LDLRAD3: variants seen among roughly 807,000 people sequenced by gnomAD.
LDLRAD3 encodes low density lipoprotein receptor class A domain containing 3, also known as low-density lipoprotein receptor class A domain-containing protein 3.
Under a neutral mutation model 29.4 loss-of-function variants are expected in LDLRAD3, and 20 were observed. That is an observed-to-expected ratio of 0.68 (90% CI 0.48 to 0.99). LDLRAD3 has a LOEUF of 0.99. LDLRAD3 is among the 50% of genes least tolerant of loss of function. LDLRAD3 has a pLI of 0.00. For missense variants in LDLRAD3, 420 were observed against 454.3 expected (o/e 0.92, Z 0.69); for synonymous variants, 157 against 192.7 (o/e 0.81, Z 1.53).
intron 2 of LDLRAD3, among the ~76,000 whole-genome samples, chr11:36,042,985 G>A (rs1347172047): frequency 6.6e-6 from 1 of 150,800 alleles, no homozygotes; most frequent in African/African-American, 2.4e-5. Flanking sequence ...AAACTAATAC[G>A]ACCATCAAAC....
chr11:36,015,306 T>TCCCCCCCCCCCCCCC (rs11347924), intron 1 of LDLRAD3, among the ~76,000 whole-genome samples: 17 of 87,712 alleles, frequency 1.9e-4, no homozygotes, highest in East Asian at 3.3e-4. Context: ...GACATGCCAT[T>TCCCCCCCCCCCCCCC]CCCCCCCCCC....
At chr11:36,057,571 C>T (rs1056281549) in intron 2 of LDLRAD3, among the ~76,000 whole-genome samples, 8 of 152,280 alleles carry the variant, frequency 5.3e-5, no homozygotes, top group Non-Finnish European at 8.8e-5. Flanking sequence ...TGTTGAAATA[C>T]GCTATTACTT....
At chr11:35,976,844 GTT>G (rs1851482971) in intron 1 of LDLRAD3, among the ~76,000 whole-genome samples, 1 of 152,152 alleles carries the variant, frequency 6.6e-6, no homozygotes, top group South Asian at 2.1e-4. Flanking sequence ...TAAGGTGTGT[GTT>G]TGTGTGTGTG....
intron 1 of LDLRAD3, among the ~76,000 whole-genome samples, chr11:35,991,305 G>A (rs1851685447): frequency 6.6e-6 from 1 of 152,082 alleles, no homozygotes; most frequent in Non-Finnish European, 1.5e-5. Flanking sequence ...CACACAAATG[G>A]TTACCCAAAA....
In LDLRAD3 at chr11:36,231,712, A is replaced by G. The variant is rs1380937813; in HGVS notation, c.*2315A>G. The G allele has an allele frequency of 6.6e-6, 1 of 152,314 alleles. No homozygotes were observed. The highest frequency in any genetic ancestry group is 1.9e-4 in the East Asian group (1 of 5,184). The allele number at this position is 152,314 out of a possible 1,614,324, so 9.4% of individuals were successfully genotyped here. ...TTTTTTAATGAATGTTTTTAAAAAT[A>G]TATAAATAGGACACCAAAGCGGCAG... On this transcript the variant is annotated 3_prime_UTR_variant, in exon 6 of 6. Transcript: ENST00000315571.
In LDLRAD3 at chr11:36,080,751, G is replaced by T. The variant is rs189532849; in HGVS notation, c.194-902G>T. Among the ~76,000 whole-genome samples, 13 of 152,228 alleles carry T rather than the reference G, an allele frequency of 8.5e-5. No homozygotes were observed. In the East Asian group the frequency reaches 2.5e-3, roughly 29 times the overall value. ...AGCAAAATCAACACAGGTAAAAGAC[G>T]AATGGAATAAAGTCCAGAGGAAACC... On this transcript the variant is annotated intron_variant, in intron 2 of 5. Coordinates refer to ENST00000315571, the MANE Select transcript of LDLRAD3 (RefSeq NM_174902.4).
chr11:36,127,687 A>G (rs1191043666), intron 4 of LDLRAD3, among the ~76,000 whole-genome samples: 1 of 152,154 alleles, frequency 6.6e-6, no homozygotes, highest in African/African-American at 2.4e-5. Context: ...CTGAGCCACC[A>G]TGCTAAGTTT....
At chr11:36,145,565 G>A (rs1186387583) in intron 4 of LDLRAD3, among the ~76,000 whole-genome samples, 2 of 102,484 alleles carry the variant, frequency 2.0e-5, no homozygotes, top group Non-Finnish European at 4.8e-5. Flanking sequence ...GAATAGAAAG[G>A]GGGGAAAAGT....
At chr11:36,165,158 CT>C (rs201968240) in intron 4 of LDLRAD3, among the ~76,000 whole-genome samples, 3 of 152,226 alleles carry the variant, frequency 2.0e-5, no homozygotes, top group African/African-American at 4.8e-5. Context: ...TTACATCCTA[CT>C]TTTTTTCCCA....
intron 1 of LDLRAD3, among the ~76,000 whole-genome samples, chr11:36,018,279 G>A (rs1852049081): frequency 6.6e-6 from 1 of 152,116 alleles, no homozygotes; most frequent in African/African-American, 2.4e-5. Flanking sequence ...TCTTGCTTCA[G>A]TTTTAGCAGA....
intron 4 of LDLRAD3, among the ~76,000 whole-genome samples, chr11:36,151,047 G>A (rs1854271414): frequency 6.6e-6 from 1 of 152,132 alleles, no homozygotes; most frequent in Non-Finnish European, 1.5e-5. Flanking sequence ...TGCACCCATA[G>A]GCACCTCTGA....
In LDLRAD3 at chr11:36,036,124, A is replaced by G. The variant is rs200093885; in HGVS notation, c.68A>G (p.Asn23Ser). The G allele has an allele frequency of 2.4e-5, 38 of 1,613,952 alleles. No individual in the cohort carries two copies. Among genetic ancestry groups the G allele is most frequent in the Non-Finnish European group, 2.0e-5 (24 of 1,179,896 alleles). The change falls in exon 2 of 6, where the codon AAC becomes AGC. Residue 23 changes from asparagine to serine, a missense_variant. Around this residue, in one of 3 missense-constraint regions of LDLRAD3, gnomAD observed 224 missense variants for 222.2 expected, o/e 1.01. Coordinates refer to ENST00000315571, the MANE Select transcript of LDLRAD3 (RefSeq NM_174902.4). The stretch of plus-strand genomic sequence containing the variant: ...ACAGAGAGCCAGCTGCTCCCCGGGA[A>G]CAACTTCACCAATGAGTGCAACATA... ...SAAESQLLPG[N>S]NFTNECNIPG...
intron 4 of LDLRAD3, among the ~76,000 whole-genome samples, chr11:36,163,072 T>C (rs1202502353): frequency 1.3e-5 from 2 of 152,148 alleles, no homozygotes; most frequent in African/African-American, 4.8e-5. Flanking sequence ...CAGGGTAAAC[T>C]CTAGGGGCTA....
At chr11:35,951,572 T>A (rs1851136148) in intron 1 of LDLRAD3, among the ~76,000 whole-genome samples, 1 of 152,234 alleles carries the variant, frequency 6.6e-6, no homozygotes, top group African/African-American at 2.4e-5. Context: ...TTTCCTCTTT[T>A]AATTCTCTTA....
Position 36,184,964 on chromosome 11 carries a change from C to G in LDLRAD3, c.455-42121C>G, listed in dbSNP as rs191752573. 1.3e-3 allele frequency among the ~76,000 whole-genome samples: 199 copies of G among 152,236 alleles called. 4 individuals are homozygous for G. Among genetic ancestry groups the G allele is most frequent in the Non-Finnish European group, 3.8e-4 (26 of 68,008 alleles). ...CCATTGCCCTTGGAAGAAAATTTGC[C>G]TCAATTTTCCAGATGCTTACCTTTT... On this transcript the variant is annotated intron_variant, in intron 4 of 5. Transcript: ENST00000315571.
At chr11:36,145,767 T>C (rs568217414) in intron 4 of LDLRAD3, among the ~76,000 whole-genome samples, 5 of 150,648 alleles carry the variant, frequency 3.3e-5, no homozygotes, top group African/African-American at 1.2e-4. Flanking sequence ...GGATTAAGGG[T>C]GGTGCAAGAT....
At position 36,231,967 on chromosome 11, in the gene LDLRAD3, T is replaced by TA. The variant is rs1466471505; in HGVS notation, c.*2571dup. Reference sequence around the variant, plus strand: ...GCCTATTACCTGACTCAGCTCCCTCTACCTTGAAATTGACATTTTTAAAAA... The same window carrying TA: ...GCCTATTACCTGACTCAGCTCCCTCTAACCTTGAAATTGACATTTTTAAAAA... On this transcript the variant is annotated 3_prime_UTR_variant, in exon 6 of 6. Coordinates refer to ENST00000315571, the MANE Select transcript of LDLRAD3 (RefSeq NM_174902.4). 1 of 152,236 alleles carries TA rather than the reference T, an allele frequency of 6.6e-6. No homozygotes were observed. Among genetic ancestry groups the TA allele is most frequent in the Non-Finnish European group, 1.5e-5 (1 of 68,042 alleles). The allele number at this position is 152,236 out of a possible 1,614,324, so 9.4% of individuals were successfully genotyped here. A position where few individuals can be genotyped will look rare whatever the true frequency, so the allele number is the denominator to read the frequency against.
chr11:35,948,471 C>T (rs1255745313), intron 1 of LDLRAD3, among the ~76,000 whole-genome samples: 1 of 144,720 alleles, frequency 6.9e-6, no homozygotes, highest in Non-Finnish European at 1.5e-5. Flanking sequence ...TGTGTGTGTG[C>T]ACATGCACAC....
intron 3 of LDLRAD3, among the ~76,000 whole-genome samples, chr11:36,084,339 C>T (rs936259200): frequency 3.9e-5 from 6 of 152,090 alleles, no homozygotes; most frequent in African/African-American, 7.2e-5. Context: ...GTTCTGAAGC[C>T]GGGCGAGGTG....
Sources: gnomAD v4.1 joint callset for allele counts (sites outside exome capture counted in the v4.1 genomes callset) on GRCh38, gnomAD v4.1.1 for gene constraint, gnomAD v4.1.1 regional missense constraint, MANE v1.5 for transcripts, NCBI Gene and HGNC (gene_info 2026-07-23, HGNC 2026-07-21) for gene names.